Variants in LRP12 observed in about 807,000 individuals in gnomAD.
LRP12 encodes the protein LDL receptor related protein 12.
A neutral mutation model predicts 66.0 loss-of-function variants in LRP12; 14 were observed. That is an observed-to-expected ratio of 0.21 (90% CI 0.14 to 0.33). The LOEUF (loss-of-function observed/expected upper bound fraction) is 0.33. Ranked by LOEUF, LRP12 falls within the 10% of genes least tolerant of loss-of-function variation. The pLI, the probability that LRP12 is intolerant of heterozygous loss-of-function variation, is 1.00. For synonymous variants in LRP12, 357 were observed against 359.1 expected (o/e 0.99, Z 0.07); for missense variants, 889 against 1,053.4 (o/e 0.84, Z 2.16).
chr8:104,541,863 T>C (rs577711656), intron 1 of LRP12, among the ~76,000 whole-genome samples: 61 of 152,180 alleles, frequency 4.0e-4, no homozygotes, highest in Non-Finnish European at 6.5e-4. Context: ...CTGAATAATA[T>C]TCCATTATCT....
At chr8:104,523,601 C>T (rs1811181976) in intron 2 of LRP12, among the ~76,000 whole-genome samples, 1 of 152,166 alleles carries the variant, frequency 6.6e-6, no homozygotes, top group Non-Finnish European at 1.5e-5. Context: ...AATTGTGTGT[C>T]ACAGTACAAT....
chr8:104,533,487 T>C (rs138522044), intron 1 of LRP12, among the ~76,000 whole-genome samples: 14 of 152,210 alleles, frequency 9.2e-5, no homozygotes, highest in African/African-American at 2.9e-4. Context: ...TTCCAGATTA[T>C]GGAATCTGAA....
In LRP12 at chr8:104,491,690, C is replaced by G. The variant is rs183388493; in HGVS notation, c.1714-151G>C. 206 of 611,910 alleles carry G rather than the reference C, an allele frequency of 3.4e-4. 1 individual carries two copies. The African/African-American group carries it at 3.5e-3, about 10-fold the overall frequency. The allele number at this position is 611,910 out of a possible 1,614,324, so 37.9% of individuals were successfully genotyped here. On this transcript the variant is annotated intron_variant, in intron 6 of 6. Coordinates refer to ENST00000276654, the MANE Select transcript of LRP12 (RefSeq NM_013437.5). ...GTCTAAGAAGGAAAAATTAAATTCT[C>G]TTACCTATGTGGGTTCATCCTACTA... is the stretch of plus-strand genomic sequence containing the variant.
At chr8:104,580,051 AT>A (rs1366776945) in intron 1 of LRP12, among the ~76,000 whole-genome samples, 1 of 152,210 alleles carries the variant, frequency 6.6e-6, no homozygotes, top group African/African-American at 2.4e-5. Flanking sequence ...GCCAAAAGCA[AT>A]TGCAACAAAT....
intron 1 of LRP12, among the ~76,000 whole-genome samples, chr8:104,570,658 A>G (rs1046340362): frequency 6.6e-6 from 1 of 152,230 alleles, no homozygotes; most frequent in Non-Finnish European, 1.5e-5. Context: ...TGTGTAACAT[A>G]AAACTCTAAA....
intron 1 of LRP12, among the ~76,000 whole-genome samples, chr8:104,583,501 TACTC>T (rs1812286936): frequency 6.6e-6 from 1 of 152,188 alleles, no homozygotes; most frequent in South Asian, 2.1e-4. Context: ...CTGTGCCTGT[TACTC>T]ACTATCTCTG....
intron 1 of LRP12, among the ~76,000 whole-genome samples, chr8:104,565,677 G>A (rs12677793): frequency 0.068 from 10,275 of 151,958 alleles, 396 homozygotes; most frequent in South Asian, 0.08. Context: ...TGGCTAACAC[G>A]GTGAAACTCC....
In LRP12 at chr8:104,497,897, G is replaced by T; in HGVS notation, c.655C>A (p.Gln219Lys). The T allele has an allele frequency of 6.2e-7, 1 of 1,614,156 alleles. No individual in the cohort carries two copies. Among genetic ancestry groups the T allele is most frequent in the Non-Finnish European group, 8.5e-7 (1 of 1,180,026 alleles). Residue 219 changes from glutamine to lysine, a missense_variant, in exon 5 of 7, where the codon CAG (glutamine) becomes AAG (lysine). Gln to Lys is a moderately conservative substitution (Grantham distance 53). Transcript: ENST00000276654. This position sits in a 1 kb window ranked among gnomAD's most constrained non-coding sequence, Gnocchi z 4.3. ...GTAAAACGGGATAAACACTGGAACT[G>T]GTTGTAAGCACAGGGTTGAAAAGCA... Reference protein sequence around the residue: ...AAAFQPCAYNQFQCLSRFTKV... With the variant: ...AAAFQPCAYNKFQCLSRFTKV...
intron 1 of LRP12, among the ~76,000 whole-genome samples, chr8:104,547,182 T>C (rs894322995): frequency 5.7e-5 from 8 of 139,718 alleles, no homozygotes; most frequent in African/African-American, 7.9e-5. Context: ...TAATATACAA[T>C]TCTATGTTAT....
intron 1 of LRP12, among the ~76,000 whole-genome samples, chr8:104,580,358 TAA>T (rs774764260): frequency 4.2e-4 from 39 of 92,164 alleles, no homozygotes; most frequent in Middle Eastern, 6.8e-3. Flanking sequence ...CTACTAAAAA[TAA>T]AAAAAAAAAA....
chr8:104,563,861 A>G (rs763460724), intron 1 of LRP12, among the ~76,000 whole-genome samples: 1 of 152,224 alleles, frequency 6.6e-6, no homozygotes, highest in African/African-American at 2.4e-5. Flanking sequence ...TAAGCCACTC[A>G]GTCTATGGTA....
intron 2 of LRP12, among the ~76,000 whole-genome samples, chr8:104,513,194 T>A (rs959758168): frequency 2.6e-5 from 4 of 152,162 alleles, no homozygotes; most frequent in Non-Finnish European, 5.9e-5. Context: ...TTAAAGCAAT[T>A]TTTAACTCCC....
At chr8:104,567,030 C>CA (rs1812015207) in intron 1 of LRP12, among the ~76,000 whole-genome samples, 1 of 150,076 alleles carries the variant, frequency 6.7e-6, no homozygotes, top group South Asian at 2.1e-4. Flanking sequence ...AATGACAGGA[C>CA]AAAAAAAGTG....
At chr8:104,526,565 AAAAC>A (rs1811242964) in intron 2 of LRP12, among the ~76,000 whole-genome samples, 2 of 145,414 alleles carry the variant, frequency 1.4e-5, no homozygotes, top group African/African-American at 5.3e-5. Flanking sequence ...AAACCTGAGA[AAAAC>A]AAGCAATGGG....
At chr8:104,516,942 A>T (rs1811078818) in intron 2 of LRP12, among the ~76,000 whole-genome samples, 1 of 152,062 alleles carries the variant, frequency 6.6e-6, no homozygotes, top group Admixed American at 6.6e-5. Flanking sequence ...ACAAGAGTTG[A>T]TACTTCATGA....
chr8:104,505,245 C>T (rs1810890127), intron 3 of LRP12: 1 of 151,820 alleles, frequency 6.6e-6, no homozygotes. Flanking sequence ...GTGTCGAATT[C>T]CTGAGCCTAC....
intron 1 of LRP12, among the ~76,000 whole-genome samples, chr8:104,572,546 C>T (rs1402492985): frequency 6.6e-6 from 1 of 151,854 alleles, no homozygotes. Context: ...TTGAGAAGAA[C>T]GTCTAAAATA....
intron 1 of LRP12, among the ~76,000 whole-genome samples, chr8:104,544,211 C>G (rs1177267852): frequency 6.6e-6 from 1 of 152,124 alleles, no homozygotes; most frequent in Non-Finnish European, 1.5e-5. Flanking sequence ...CAGAACACTT[C>G]AATTCTACGA....
At chr8:104,544,459 T>C (rs1811527078) in intron 1 of LRP12, among the ~76,000 whole-genome samples, 2 of 152,210 alleles carry the variant, frequency 1.3e-5, no homozygotes, top group East Asian at 1.9e-4. Context: ...TGGAAGAAGA[T>C]GTCATCTAGG....
Sources: gnomAD v4.1 joint callset for allele counts (sites outside exome capture counted in the v4.1 genomes callset) on GRCh38, gnomAD v4.1.1 for gene constraint, Gnocchi (gnomAD v3.1) non-coding constraint, MANE v1.5 for transcripts, NCBI Gene and HGNC (gene_info 2026-07-23, HGNC 2026-07-21) for gene names.